LYZL4: variants seen among roughly 807,000 people sequenced by gnomAD.
LYZL4 encodes the protein lysozyme-like protein 4.
Under a neutral mutation model 17.6 loss-of-function variants are expected in LYZL4, and 13 were observed. The observed-to-expected ratio is 0.74, with a 90% CI of 0.48 to 1.18. LYZL4 has a LOEUF of 1.18. Ranked by LOEUF, LYZL4 falls within the 50% of genes most tolerant of loss-of-function variation. The pLI is 0.00. For synonymous variants in LYZL4, 64 were observed against 67.7 expected (o/e 0.95, Z 0.27); for missense variants, 174 against 188.2 (o/e 0.92, Z 0.44).
the LYZL4 span, among the ~76,000 whole-genome samples, chr3:42,375,710 A>C: frequency 6.6e-6 from 1 of 152,232 alleles, no homozygotes; most frequent in South Asian, 2.1e-4. Context: ...TGAACAAGAA[A>C]GCATGAGGAA....
At chr3:42,383,515 C>T in the LYZL4 span, among the ~76,000 whole-genome samples, 1 of 149,636 alleles carries the variant, frequency 6.7e-6, no homozygotes, top group Non-Finnish European at 1.5e-5. Flanking sequence ...ACCTGACTAA[C>T]TGAAAGCTCC....
chr3:42,384,090 CT>C, the LYZL4 span, among the ~76,000 whole-genome samples: 1 of 152,138 alleles, frequency 6.6e-6, no homozygotes, highest in Non-Finnish European at 1.5e-5. Context: ...ATCCTACAAC[CT>C]TCCAGAAAGA....
At chr3:42,391,355 C>G in the LYZL4 span, among the ~76,000 whole-genome samples, 1 of 152,110 alleles carries the variant, frequency 6.6e-6, no homozygotes, top group African/African-American at 2.4e-5. Flanking sequence ...AATCTGAGGA[C>G]TGAGCCGAGG....
the LYZL4 span, among the ~76,000 whole-genome samples, chr3:42,387,326 A>T: frequency 6.6e-6 from 1 of 152,230 alleles, no homozygotes; most frequent in Non-Finnish European, 1.5e-5. Flanking sequence ...ACTTCATGAG[A>T]TAACTTATGT....
the LYZL4 span, among the ~76,000 whole-genome samples, chr3:42,375,874 T>A: frequency 6.6e-6 from 1 of 152,196 alleles, no homozygotes; most frequent in South Asian, 2.1e-4. Flanking sequence ...AAAGATGGAA[T>A]GAATTCAGTC....
At chr3:42,369,342 C>T in the LYZL4 span, among the ~76,000 whole-genome samples, 1 of 152,146 alleles carries the variant, frequency 6.6e-6, no homozygotes, top group East Asian at 1.9e-4. Context: ...AATTTAGGGT[C>T]TTATTTTCTC....
At chr3:42,364,859 A>T in the LYZL4 span, among the ~76,000 whole-genome samples, 8 of 152,302 alleles carry the variant, frequency 5.3e-5, no homozygotes, top group South Asian at 6.2e-4. Context: ...TTAGTAGGTA[A>T]TAAGCTGCCT....
the LYZL4 span, among the ~76,000 whole-genome samples, chr3:42,382,358 T>G: frequency 6.6e-6 from 1 of 152,170 alleles, no homozygotes; most frequent in Non-Finnish European, 1.5e-5. Context: ...CAGATAGTCT[T>G]TGCTCCAGGG....
the LYZL4 span, among the ~76,000 whole-genome samples, chr3:42,370,998 CCT>C: frequency 6.6e-6 from 1 of 152,200 alleles, no homozygotes. Flanking sequence ...AACAGGTTTC[CCT>C]GTTTCCTCCC....
chr3:42,361,378 T>G, the LYZL4 span, among the ~76,000 whole-genome samples: 1 of 152,096 alleles, frequency 6.6e-6, no homozygotes, highest in African/African-American at 2.4e-5. Flanking sequence ...CTCCCAGTGT[T>G]TACTTCTGAG....
At chr3:42,371,663 G>A in the LYZL4 span, among the ~76,000 whole-genome samples, 1 of 152,136 alleles carries the variant, frequency 6.6e-6, no homozygotes. Context: ...AATTCACTCA[G>A]TTCTTAATGT....
chr3:42,404,118 A>C lies in LYZL4; in HGVS notation c.299T>G (p.Leu100Arg). The change falls in exon 4 of 5, where the codon CTG becomes CGG. Residue 100 changes from leucine to arginine, a missense_variant. Leu to Arg is a moderately radical substitution (Grantham distance 102). Coordinates refer to ENST00000287748, the MANE Select transcript of LYZL4 (RefSeq NM_144634.4). ...AATTGTCTTCTCTAAATTAGGATTC[A>C]GTAAAGCTGTGGGGAAAAGAAAATG... ...NRCHMSCSAL[L>R]NPNLEKTIKC... The C allele has an allele frequency of 6.2e-7, 1 of 1,610,640 alleles. No homozygotes were observed. Among genetic ancestry groups the C allele is most frequent in the Non-Finnish European group, 8.5e-7 (1 of 1,177,008 alleles).
At chr3:42,367,052 G>T in the LYZL4 span, among the ~76,000 whole-genome samples, 136 of 152,304 alleles carry the variant, frequency 8.9e-4, no homozygotes, top group African/African-American at 3.2e-3. Flanking sequence ...TGGCCTGGTG[G>T]CCTTAGACCA....
At chr3:42,405,300 G>A (rs1044410136) in intron 3 of LYZL4, among the ~76,000 whole-genome samples, 5 of 152,102 alleles carry the variant, frequency 3.3e-5, no homozygotes, top group East Asian at 3.9e-4. Context: ...CGCCCATCTC[G>A]GCCTCCCAAA....
At chr3:42,367,300 A>T in the LYZL4 span, among the ~76,000 whole-genome samples, 1 of 152,260 alleles carries the variant, frequency 6.6e-6, no homozygotes, top group African/African-American at 2.4e-5. Context: ...AACAAATATA[A>T]ATCCCTGATA....
downstream of LYZL4, among the ~76,000 whole-genome samples, chr3:42,394,035 C>T (rs1226215767): frequency 5.9e-5 from 9 of 152,256 alleles, no homozygotes; most frequent in Middle Eastern, 3.4e-3. Context: ...CCAGGTGATC[C>T]GCTCACCTCG....
At chr3:42,385,591 T>A in the LYZL4 span, among the ~76,000 whole-genome samples, 90,878 of 151,634 alleles carry the variant, frequency 0.6, 28,320 homozygotes, top group East Asian at 0.83. Context: ...ATAAATCCCC[T>A]ACTGAGGAAG....
chr3:42,397,647 G>A (rs1168015068), intron 4 of LYZL4, among the ~76,000 whole-genome samples: 1 of 152,130 alleles, frequency 6.6e-6, no homozygotes, highest in Non-Finnish European at 1.5e-5. Context: ...CTGCAACGGA[G>A]GTATCATTTG....
At chr3:42,394,387 C>T (rs573393799), downstream of LYZL4, among the ~76,000 whole-genome samples, 1 of 152,222 alleles carries the variant, frequency 6.6e-6, no homozygotes, top group South Asian at 2.1e-4. Context: ...TGAGGAGATA[C>T]CAATCCCAAC....
Sources: gnomAD v4.1 joint callset for allele counts (sites outside exome capture counted in the v4.1 genomes callset) on GRCh38, gnomAD v4.1.1 for gene constraint, MANE v1.5 for transcripts, NCBI Gene and HGNC (gene_info 2026-07-23, HGNC 2026-07-21) for gene names.